RABGAP1L: variants seen among roughly 807,000 people sequenced by gnomAD.
RABGAP1L encodes the protein rab GTPase-activating protein 1-like.
Under a neutral mutation model 137.7 loss-of-function variants are expected in RABGAP1L, and 63 were observed. That is an observed-to-expected ratio of 0.46 (90% CI 0.37 to 0.56). RABGAP1L has a LOEUF of 0.56. RABGAP1L is among the 20% of genes least tolerant of loss of function. RABGAP1L has a pLI of 0.00. For synonymous variants in RABGAP1L, 431 were observed against 433.7 expected, an observed-to-expected ratio of 0.99 and a Z score of 0.08; for missense variants, 1,095 against 1,244.0, an observed-to-expected ratio of 0.88 and a Z score of 1.80.
chr1:174,413,153 T>C (rs902894343), intron 13 of RABGAP1L, among the ~76,000 whole-genome samples: 1 of 152,166 alleles, frequency 6.6e-6, no homozygotes, highest in African/African-American at 2.4e-5. Flanking sequence ...CTTTGTTCAT[T>C]TTTAAAAATT....
At chr1:174,312,194 A>G (rs1324313393) in intron 11 of RABGAP1L, among the ~76,000 whole-genome samples, 1 of 152,168 alleles carries the variant, frequency 6.6e-6, no homozygotes, top group Non-Finnish European at 1.5e-5. Flanking sequence ...TGGTTGTACT[A>G]ATTTACATTT....
At chr1:174,232,834 A>G (rs1271588573) in intron 4 of RABGAP1L, among the ~76,000 whole-genome samples, 2 of 151,154 alleles carry the variant, frequency 1.3e-5, no homozygotes, top group African/African-American at 2.4e-5. Flanking sequence ...ACTTGTGGTT[A>G]TATTTGAAAT....
intron 1 of RABGAP1L, among the ~76,000 whole-genome samples, chr1:174,206,046 CTG>C (rs1668486704): frequency 2.0e-5 from 3 of 152,160 alleles, no homozygotes; most frequent in Admixed American, 6.5e-5. Flanking sequence ...TCACTGCACA[CTG>C]TCATTCTTCA....
chr1:174,932,973 T>C (rs1218544064), intron 19 of RABGAP1L, among the ~76,000 whole-genome samples: 2 of 152,156 alleles, frequency 1.3e-5, no homozygotes, highest in East Asian at 1.9e-4. Flanking sequence ...GACACTGATA[T>C]ATAGCAACCA....
chr1:174,478,327 G>A (rs1658725639), intron 13 of RABGAP1L, among the ~76,000 whole-genome samples: 1 of 151,876 alleles, frequency 6.6e-6, no homozygotes, highest in South Asian at 2.1e-4. Context: ...CTAGAGTGCA[G>A]TAGTGCAGTC....
intron 13 of RABGAP1L, among the ~76,000 whole-genome samples, chr1:174,425,328 TTGCTATTGCATGCTTCAGGTGGTAAGCA>T (rs1258994510): frequency 6.6e-6 from 1 of 152,014 alleles, no homozygotes; most frequent in Non-Finnish European, 1.5e-5. Flanking sequence ...ACATCTAATC[TTGCTATTGCATGCTTCAGGTGGTAAGCA>T]TGTCACTTTA....
At chr1:174,754,745 TCCTG>T (rs1684596422) in intron 18 of RABGAP1L, among the ~76,000 whole-genome samples, 1 of 152,136 alleles carries the variant, frequency 6.6e-6, no homozygotes, top group African/African-American at 2.4e-5. Context: ...CAAGCAGTCC[TCCTG>T]CCTTGGCCTC....
intron 11 of RABGAP1L, among the ~76,000 whole-genome samples, chr1:174,350,099 ACCTC>A (rs1386841939): frequency 2.8e-5 from 3 of 108,016 alleles, no homozygotes; most frequent in Non-Finnish European, 3.7e-5. Context: ...TGACCCCCCC[ACCTC>A]CCTCCCGGAC....
intron 19 of RABGAP1L, among the ~76,000 whole-genome samples, chr1:174,866,343 G>A (rs140588606): frequency 0.02 from 3,105 of 152,220 alleles, 50 homozygotes; most frequent in Middle Eastern, 0.082. Flanking sequence ...CATTGCCACT[G>A]CCACCACTAT....
chr1:174,685,651 C>T (rs1678407246), intron 15 of RABGAP1L, among the ~76,000 whole-genome samples: 1 of 151,822 alleles, frequency 6.6e-6, no homozygotes, highest in Admixed American at 6.6e-5. Flanking sequence ...GCAACCTCCA[C>T]CTCCTGGGTT....
At chr1:174,400,570 G>A (rs949411157) in intron 13 of RABGAP1L, among the ~76,000 whole-genome samples, 2 of 152,062 alleles carry the variant, frequency 1.3e-5, no homozygotes, top group Non-Finnish European at 2.9e-5. Flanking sequence ...GCCTTATATT[G>A]TGTTAGGTCC....
chr1:174,725,615 GA>G (rs1558021503), intron 17 of RABGAP1L, among the ~76,000 whole-genome samples: 1 of 151,548 alleles, frequency 6.6e-6, no homozygotes, highest in Non-Finnish European at 1.5e-5. Flanking sequence ...TCTTGTCTTT[GA>G]AAAAAAGAGT....
chr1:174,491,175 C>T (rs1030659524), intron 13 of RABGAP1L, among the ~76,000 whole-genome samples: 1 of 152,098 alleles, frequency 6.6e-6, no homozygotes, highest in Non-Finnish European at 1.5e-5. Context: ...TGGGAAAGTG[C>T]TGTGTCTCAC....
At chr1:174,812,827 G>A (rs1455490210) in intron 19 of RABGAP1L, among the ~76,000 whole-genome samples, 2 of 152,146 alleles carry the variant, frequency 1.3e-5, no homozygotes, top group Admixed American at 1.3e-4. Context: ...GGACCTCACT[G>A]AGTCAATGAA....
intron 4 of RABGAP1L, among the ~76,000 whole-genome samples, chr1:174,240,651 C>G (rs139571232): frequency 6.2e-4 from 94 of 152,316 alleles, no homozygotes; most frequent in African/African-American, 2.2e-3. Flanking sequence ...TTTGGAACCA[C>G]CTGACCTTTT....
intron 19 of RABGAP1L, among the ~76,000 whole-genome samples, chr1:174,925,386 A>T (rs1274583781): frequency 6.6e-6 from 1 of 151,596 alleles, no homozygotes; most frequent in Non-Finnish European, 1.5e-5. Flanking sequence ...AAAACAGCAA[A>T]AAACAACAAC....
chr1:174,435,040 G>T (rs1372880302), intron 13 of RABGAP1L, among the ~76,000 whole-genome samples: 1 of 151,950 alleles, frequency 6.6e-6, no homozygotes, highest in Non-Finnish European at 1.5e-5. Context: ...TATTTTTTAA[G>T]AGACACAGTC....
intron 19 of RABGAP1L, among the ~76,000 whole-genome samples, chr1:174,906,838 C>T (rs1659170350): frequency 6.6e-6 from 1 of 151,138 alleles, no homozygotes; most frequent in Non-Finnish European, 1.5e-5. Context: ...TGGCAATAGA[C>T]TTCTGAATGG....
chr1:174,301,652 G>A (rs1285257803), intron 10 of RABGAP1L, among the ~76,000 whole-genome samples: 2 of 152,098 alleles, frequency 1.3e-5, no homozygotes, highest in African/African-American at 4.8e-5. Context: ...GCAGAGAGGG[G>A]ACACAAGGGT....
Sources: gnomAD v4.1 joint callset for allele counts (sites outside exome capture counted in the v4.1 genomes callset) on GRCh38, gnomAD v4.1.1 for gene constraint, MANE v1.5 for transcripts, NCBI Gene and HGNC (gene_info 2026-07-23, HGNC 2026-07-21) for gene names.